Variants in CCSER1 observed in about 807,000 individuals in gnomAD.
CCSER1 encodes the protein serine-rich coiled-coil domain-containing protein 1.
Under a neutral mutation model 82.0 loss-of-function variants are expected in CCSER1, and 41 were observed. The ratio of observed to expected loss-of-function variants is 0.50; its 90% CI spans 0.39 to 0.65. The LOEUF (loss-of-function observed/expected upper bound fraction) is 0.65, where lower values mean the gene tolerates loss of function less well. CCSER1 is among the 30% of genes least tolerant of loss of function. CCSER1 has a pLI of 0.00. For synonymous variants in CCSER1, 414 were observed against 383.9 expected, an observed-to-expected ratio of 1.08 and a Z score of -0.92; for missense variants, 1,119 against 1,064.2, an observed-to-expected ratio of 1.05 and a Z score of -0.72.
rs1022887793 is a variant in CCSER1 at position 91,601,976 on chromosome 4, A to G, written c.*2919A>G. 4 of 152,068 alleles carry G rather than the reference A, an allele frequency of 2.6e-5. No homozygotes were observed. Among genetic ancestry groups the G allele is most frequent in the African/African-American group, 9.7e-5 (4 of 41,438 alleles). The allele number at this position is 152,068 out of a possible 1,614,324, so 9.4% of individuals were successfully genotyped here. On this transcript the variant is annotated 3_prime_UTR_variant, in exon 11 of 11. Transcript: ENST00000509176. ...ATGCTAAGAGAGTCACCACAAAACT[A>G]TGAATTCTCTCCCGAATTATTTTTG...
At chr4:90,643,005 C>G (rs1471654838) in intron 6 of CCSER1, among the ~76,000 whole-genome samples, 1 of 151,426 alleles carries the variant, frequency 6.6e-6, no homozygotes, top group African/African-American at 2.4e-5. Context: ...CATAAGTAGA[C>G]CCATTTGTTT....
chr4:91,298,088 T>C (rs1744358036), intron 10 of CCSER1, among the ~76,000 whole-genome samples: 1 of 152,002 alleles, frequency 6.6e-6, no homozygotes, highest in Non-Finnish European at 1.5e-5. Context: ...TGAAAATGGC[T>C]GGGATGACAA....
In CCSER1 at chr4:90,933,066, GAAGAA is replaced by G. The variant is rs1466603068; in HGVS notation, c.2172+9626_2172+9630del. Among the ~76,000 whole-genome samples the G allele has an allele frequency of 5.6e-5, 6 of 107,534 alleles. 1 individual carries two copies. Among genetic ancestry groups the G allele is most frequent in the Admixed American group, 3.6e-4 (4 of 11,166 alleles). 70.5% of individuals were successfully genotyped at this position (107,534 alleles called of 152,430 possible). ...AAAGAGAAGGAAGGAACGAAGGAAA[GAAGAA>G]AAGAAAGAAAGAAAAGAAAAGAAAG... On this transcript the variant is annotated intron_variant, in intron 9 of 10. Transcript: ENST00000509176.
intron 10 of CCSER1, among the ~76,000 whole-genome samples, chr4:91,532,306 G>A (rs922072203): frequency 6.6e-6 from 1 of 152,072 alleles, no homozygotes; most frequent in Non-Finnish European, 1.5e-5. Context: ...AGAAAAAGAC[G>A]CATTATAAAT....
In CCSER1 at chr4:90,981,240, T is replaced by C. The variant is rs567212273; in HGVS notation, c.2172+57793T>C. Among the ~76,000 whole-genome samples, 12 of 151,932 alleles carry C rather than the reference T, an allele frequency of 7.9e-5. No homozygotes were observed. The East Asian group carries it at 1.9e-3, about 25-fold the overall frequency. ...TTATTTCTTTTCTTCCCCTTTCCAC[T>C]ATGAAAAAGTTTAGATATTTCCTAG... On this transcript the variant is annotated intron_variant, in intron 9 of 10. Coordinates refer to ENST00000509176, the MANE Select transcript of CCSER1 (RefSeq NM_001145065.2).
chr4:91,268,998 T>G (rs1741826063), intron 10 of CCSER1, among the ~76,000 whole-genome samples: 1 of 152,192 alleles, frequency 6.6e-6, no homozygotes, highest in East Asian at 1.9e-4. Flanking sequence ...AACAATAAAA[T>G]TCAGCCTGAT....
intron 3 of CCSER1, among the ~76,000 whole-genome samples, chr4:90,397,147 A>C (rs1377858515): frequency 6.6e-6 from 1 of 152,242 alleles, no homozygotes; most frequent in Non-Finnish European, 1.5e-5. Flanking sequence ...CTTTGTAAGC[A>C]CAATATCAAA....
chr4:90,654,636 T>C (rs1305112197), intron 6 of CCSER1, among the ~76,000 whole-genome samples: 1 of 152,166 alleles, frequency 6.6e-6, no homozygotes, highest in Admixed American at 6.6e-5. Flanking sequence ...CCCATTCATT[T>C]ATTCATTCAT....
chr4:91,036,703 G>GA (rs963508813), intron 9 of CCSER1, among the ~76,000 whole-genome samples: 5 of 152,088 alleles, frequency 3.3e-5, no homozygotes, highest in African/African-American at 1.2e-4. Flanking sequence ...TAAAGGAACA[G>GA]AAAAATGTCT....
chr4:91,182,794 T>C (rs1321919977), intron 10 of CCSER1, among the ~76,000 whole-genome samples: 1 of 152,190 alleles, frequency 6.6e-6, no homozygotes, highest in Non-Finnish European at 1.5e-5. Flanking sequence ...GTACATAAAC[T>C]AGTCTCCCAA....
At chr4:90,579,641 G>T (rs1044958715) in intron 5 of CCSER1, among the ~76,000 whole-genome samples, 1 of 152,028 alleles carries the variant, frequency 6.6e-6, no homozygotes, top group Non-Finnish European at 1.5e-5. Flanking sequence ...ATCACTAGAT[G>T]GTGTAAAACA....
intron 8 of CCSER1, among the ~76,000 whole-genome samples, chr4:90,878,419 G>T (rs576134887): frequency 6.6e-6 from 1 of 152,082 alleles, no homozygotes; most frequent in South Asian, 2.1e-4. Flanking sequence ...CTCTATTTGG[G>T]TACAGAGTGC....
At chr4:91,124,408 G>A (rs748532775) in intron 10 of CCSER1, among the ~76,000 whole-genome samples, 11 of 151,666 alleles carry the variant, frequency 7.3e-5, no homozygotes, top group Non-Finnish European at 1.3e-4. Flanking sequence ...CATACCTAAT[G>A]CCTTTACATA....
At chr4:90,590,852 G>T (rs1053623021) in intron 5 of CCSER1, among the ~76,000 whole-genome samples, 2 of 152,174 alleles carry the variant, frequency 1.3e-5, no homozygotes, top group African/African-American at 2.4e-5. Context: ...ATGGTAGCTT[G>T]CTGGGAATAG....
intron 3 of CCSER1, among the ~76,000 whole-genome samples, chr4:90,396,636 CT>C (rs564138264): frequency 7.2e-5 from 11 of 151,942 alleles, no homozygotes; most frequent in African/African-American, 2.2e-4. Flanking sequence ...ATACTGATTA[CT>C]TTTTTTTCAT....
intron 10 of CCSER1, among the ~76,000 whole-genome samples, chr4:91,342,242 C>T (rs1043124101): frequency 4.6e-5 from 7 of 152,196 alleles, no homozygotes; most frequent in Non-Finnish European, 7.4e-5. Flanking sequence ...ACTAAGTTCA[C>T]AGTGTCCCAC....
chr4:90,727,317 A>G (rs993472307), intron 7 of CCSER1: 2 of 455,362 alleles, frequency 4.4e-6, no homozygotes, highest in African/African-American at 4.0e-5. Context: ...AAATGTTATC[A>G]AACATCAACA....
intron 10 of CCSER1, among the ~76,000 whole-genome samples, chr4:91,144,676 T>C (rs1299495759): frequency 6.6e-6 from 1 of 151,908 alleles, no homozygotes; most frequent in Non-Finnish European, 1.5e-5. Context: ...TTTTTTTTTA[T>C]TTCCAACAAG....
At chr4:91,591,440 A>ATTTGT (rs955212833) in intron 10 of CCSER1, among the ~76,000 whole-genome samples, 22 of 152,048 alleles carry the variant, frequency 1.4e-4, no homozygotes, top group African/African-American at 4.8e-4. Context: ...GTATTCTGTC[A>ATTTGT]TTTGTTTTGT....
Sources: gnomAD v4.1 joint callset for allele counts (sites outside exome capture counted in the v4.1 genomes callset) on GRCh38, gnomAD v4.1.1 for gene constraint, MANE v1.5 for transcripts, NCBI Gene and HGNC (gene_info 2026-07-23, HGNC 2026-07-21) for gene names.